The following DLG4 variants were observed in gnomAD, a reference collection of about 807,000 sequenced individuals.
The protein encoded by DLG4 is discs large MAGUK scaffold protein 4.
In DLG4, 7 loss-of-function variants were observed where a neutral mutation model predicts 93.8. The ratio of observed to expected loss-of-function variants is 0.07; its 90% CI spans 0.04 to 0.14. The LOEUF (loss-of-function observed/expected upper bound fraction) is 0.14. Among genes scored for constraint, DLG4 ranks in the 10% least tolerant of loss-of-function variants. DLG4 has a pLI of 1.00. For synonymous variants in DLG4, 341 were observed against 387.6 expected (o/e 0.88, Z 1.41); for missense variants, 545 against 992.9 (o/e 0.55, Z 6.06).
rs2069624787 is a variant in DLG4, at chr17:7,193,781, G to A, written c.1543+63C>T. 3.1e-6 allele frequency: 5 copies of A among 1,611,398 alleles called. No homozygotes were observed. Among genetic ancestry groups the A allele is most frequent in the East Asian group, 4.5e-5 (2 of 44,794 alleles). On this transcript the variant is annotated intron_variant, in intron 14 of 19. Coordinates refer to ENST00000399506, the MANE Select transcript of DLG4 (RefSeq NM_001321075.3). The surrounding 1 kb of genome is among the most constrained non-coding windows in gnomAD (Gnocchi z 6.7). ...GGACCTGGAGCCCTGTCTCCCCCTTGAGGATATCAAAAGCAACTCAGTGCT... is the reference window on the plus strand; with the variant it reads ...GGACCTGGAGCCCTGTCTCCCCCTTAAGGATATCAAAAGCAACTCAGTGCT...
Position 7,190,263 on chromosome 17 carries a change from A to G in DLG4, c.*445T>C, listed in dbSNP as rs2069418376. ...AAATCAAGGAACATGGGGAATTACG[A>G]TGAGGGCAGGGGTGACCCCAGACCC... On this transcript the variant is annotated 3_prime_UTR_variant, in exon 20 of 20. Coordinates refer to ENST00000399506, the MANE Select transcript of DLG4 (RefSeq NM_001321075.3). 1 of 158,204 alleles carries G rather than the reference A, an allele frequency of 6.3e-6. No individual in the cohort carries two copies. Among genetic ancestry groups the G allele is most frequent in the African/African-American group, 2.4e-5 (1 of 41,616 alleles). 9.8% of individuals were successfully genotyped at this position (158,204 alleles called of 1,614,324 possible).
chr17:7,190,654 C>T lies in DLG4; in HGVS notation c.*54G>A. ...AAGGGCTTGGGCAATTCAGTCCAGA[C>T]CAAGGGCCCAGGTGATGGAGGCAGG... On this transcript the variant is annotated 3_prime_UTR_variant, in exon 20 of 20. Coordinates refer to ENST00000399506, the MANE Select transcript of DLG4 (RefSeq NM_001321075.3). 1 of 1,459,124 alleles carries T rather than the reference C, an allele frequency of 6.9e-7. No individual in the cohort carries two copies. The highest frequency in any genetic ancestry group is 1.7e-5 in the Admixed American group (1 of 59,758). The allele number at this position is 1,459,124 out of a possible 1,614,324, so 90.4% of individuals were successfully genotyped here. A position where few individuals can be genotyped will look rare whatever the true frequency, so the allele number is the denominator to read the frequency against.
chr17:7,202,080 A>G (rs929229), intron 8 of DLG4, among the ~76,000 whole-genome samples: 105,354 of 151,988 alleles, frequency 0.69, 37,389 homozygotes, highest in African/African-American at 0.84. Context: ...ACGTCTATTT[A>G]AGATAATCAC....
chr17:7,199,631 C>G (rs1048184134), intron 8 of DLG4, among the ~76,000 whole-genome samples: 3 of 152,042 alleles, frequency 2.0e-5, no homozygotes, highest in African/African-American at 7.2e-5. Context: ...GGATACCTTC[C>G]TTGCTCTCTA....
In DLG4 at chr17:7,194,880, A is replaced by G. The variant is rs1167632044; in HGVS notation, c.1302-385T>C. Among the ~76,000 whole-genome samples the G allele has an allele frequency of 1.3e-5, 2 of 151,952 alleles. No homozygotes were observed. Among genetic ancestry groups the G allele is most frequent in the Admixed American group, 6.6e-5 (1 of 15,256 alleles). On this transcript the variant is annotated intron_variant, in intron 11 of 19. Coordinates refer to ENST00000399506, the MANE Select transcript of DLG4 (RefSeq NM_001321075.3). This position sits in a 1 kb window ranked among gnomAD's most constrained non-coding sequence, Gnocchi z 4.4. ...TAAAAATACAAAATATTAGCCGGGC[A>G]CGGTGGCGGGTGCCTGTATTCCCAG...
At chr17:7,219,026 C>T (rs1567557829), upstream of DLG4, 7 of 675,056 alleles carry the variant, frequency 1.0e-5, no homozygotes, top group South Asian at 5.3e-5. Context: ...ACCCTGGCCC[C>T]CTCTTCCCAT....
upstream of DLG4, chr17:7,218,180 G>C: frequency 6.9e-7 from 1 of 1,442,328 alleles, no homozygotes. Context: ...GTGATATTTG[G>C]CTCACCCCTC....
At position 7,203,982 on chromosome 17, in the gene DLG4, GA is replaced by G. The variant is rs762039232; in HGVS notation, c.210+25del. ...AAAGGTACAGACGGGAGGCCACGGG[GA>G]CTGCCGATGGAGGAGCCTGCTCACC... On this transcript the variant is annotated intron_variant, in intron 4 of 19. Coordinates refer to ENST00000399506, the MANE Select transcript of DLG4 (RefSeq NM_001321075.3). This position sits in a 1 kb window ranked among gnomAD's most constrained non-coding sequence, Gnocchi z 7.2. 8.9e-5 allele frequency: 144 copies of G among 1,609,256 alleles called. No homozygotes were observed. The highest frequency in any genetic ancestry group is 1.1e-4 in the Non-Finnish European group (132 of 1,177,844).
chr17:7,202,959 G>A lies in DLG4; in HGVS notation c.731C>T (p.Ala244Val). ...ACTCAGGTAGGCATTGCTGGGCTTGGCCACCTTTAGGTAGACAACATCATA... is the reference window on the plus strand; with the variant it reads ...ACTCAGGTAGGCATTGCTGGGCTTGACCACCTTTAGGTAGACAACATCATA... ...NTYDVVYLKV[A>V]KPSNAYLSDS... is the part of the protein sequence containing the mutation. The change falls in exon 8 of 20, where the codon GCC (alanine) becomes GTC (valine). Residue 244 changes from alanine to valine, a missense_variant. Physicochemically the swap from Ala to Val is moderately conservative, Grantham distance 64. This residue lies in a region of DLG4 where 428 missense variants were observed against 741.4 expected (regional missense o/e 0.58). Transcript: ENST00000399506. 1 of 1,614,016 alleles carries A rather than the reference G, an allele frequency of 6.2e-7. No individual in the cohort carries two copies.
Position 7,190,724 on chromosome 17 carries a change from G to A in DLG4, c.2159C>T (p.Ala720Val), listed in dbSNP as rs754310827. ...GGGCAGGAATCAGAGTCTCTCTCGG[G>A]CTGGAACCCAGATGTAGGGGCCTGA... The part of the protein sequence containing the change: ...DLSGPYIWVP[A>V]RERL Residue 720 changes from alanine (A) to valine (V), a missense_variant, in exon 20 of 20, where the codon GCC (alanine) becomes GTC (valine). Physicochemically the swap from Ala to Val is moderately conservative, Grantham distance 64. Transcript: ENST00000399506. The A allele has an allele frequency of 6.2e-7, 1 of 1,613,672 alleles. No homozygotes were observed. Among genetic ancestry groups the A allele is most frequent in the Non-Finnish European group, 8.5e-7 (1 of 1,179,632 alleles).
intron 8 of DLG4, 44 bp downstream of exon 8, chr17:7,202,859 A>G: frequency 6.2e-7 from 1 of 1,610,702 alleles, no homozygotes; most frequent in Non-Finnish European, 8.5e-7. Flanking sequence ...CATGGGTTAA[A>G]CGGGATGGGT....
chr17:7,200,059 G>A (rs895727569), intron 8 of DLG4, among the ~76,000 whole-genome samples: 1 of 151,932 alleles, frequency 6.6e-6, no homozygotes, highest in Non-Finnish European at 1.5e-5. Flanking sequence ...CTTTTGTTAG[G>A]TTATGGTATT....
chr17:7,219,907 G>C (rs1330518496), upstream of DLG4: 8 of 1,559,446 alleles, frequency 5.1e-6, no homozygotes, highest in African/African-American at 1.3e-5. Flanking sequence ...GTCAGGGTTA[G>C]GGGCGCCAGG....
rs983061143 is a variant in DLG4 at position 7,187,371 on chromosome 17, T to C, written c.*3337A>G. ...GACCAGCCTGATCAATATGGTGAAA[T>C]CCCCATCTCTACTAAATACAAAAAA... On this transcript the variant is annotated 3_prime_UTR_variant, in exon 20 of 20. Coordinates refer to ENST00000399506, the MANE Select transcript of DLG4 (RefSeq NM_001321075.3). Among the ~76,000 whole-genome samples the C allele has an allele frequency of 9.6e-5, 12 of 125,448 alleles. No individual in the cohort carries two copies. The highest frequency in any genetic ancestry group is 1.8e-4 in the Non-Finnish European group (11 of 61,044). 82.3% of individuals were successfully genotyped at this position (125,448 alleles called of 152,430 possible). A position where few individuals can be genotyped will look rare whatever the true frequency, so the allele number is the denominator to read the frequency against.
rs1378857214 is a variant in DLG4, at chr17:7,187,318, G to GC, written c.*3389_*3390insG. 4.4e-5 allele frequency among the ~76,000 whole-genome samples: 3 copies of GC among 68,646 alleles called. 1 individual carries two copies. Among genetic ancestry groups the GC allele is most frequent in the Admixed American group, 4.3e-4 (3 of 6,936 alleles). The allele number at this position is 68,646 out of a possible 152,430, so 45.0% of individuals were successfully genotyped here. ...ACTTTGGGAGGCCGAGGGGGGGGGG[G>GC]GTGGATCACCCGAGGTCAGGAGTTC... On this transcript the variant is annotated 3_prime_UTR_variant, in exon 20 of 20. Coordinates refer to ENST00000399506, the MANE Select transcript of DLG4 (RefSeq NM_001321075.3).
intron 17 of DLG4, chr17:7,192,335 G>GA (rs1385674399): frequency 3.0e-6 from 1 of 329,456 alleles, no homozygotes; most frequent in Non-Finnish European, 5.5e-6. Flanking sequence ...GTGCAAGGCA[G>GA]AGGTGACACA....
intron 8 of DLG4, among the ~76,000 whole-genome samples, chr17:7,200,745 C>G (rs748470010): frequency 2.2e-4 from 33 of 151,730 alleles, no homozygotes; most frequent in Non-Finnish European, 3.5e-4. Flanking sequence ...GGGGTTTCTC[C>G]ATGTTGGTTA....
chr17:7,193,635 G>T lies in DLG4; in HGVS notation c.1591+32C>A. 6.5e-7 allele frequency: 1 copy of T among 1,532,856 alleles called. No individual in the cohort carries two copies. The highest frequency in any genetic ancestry group is 8.8e-7 in the Non-Finnish European group (1 of 1,142,162). The allele number at this position is 1,532,856 out of a possible 1,614,324, so 95.0% of individuals were successfully genotyped here. Reference sequence around the variant, plus strand: ...GAGCGCAGGGTTGGGGGAGCAGCAAGTGCTGGGGCCAAGGCAGGGGCCAGG... The same window carrying T: ...GAGCGCAGGGTTGGGGGAGCAGCAATTGCTGGGGCCAAGGCAGGGGCCAGG... On this transcript the variant is annotated intron_variant, in intron 15 of 19. Transcript: ENST00000399506. The surrounding 1 kb of genome is among the most constrained non-coding windows in gnomAD (Gnocchi z 6.7).
At chr17:7,202,656 T>A in intron 8 of DLG4, 1 of 535,092 alleles carries the variant, frequency 1.9e-6, no homozygotes, top group Non-Finnish European at 3.3e-6. Flanking sequence ...CTTGAGAATT[T>A]CACAAAATTA....
Sources: gnomAD v4.1 joint callset for allele counts (sites outside exome capture counted in the v4.1 genomes callset) on GRCh38, gnomAD v4.1.1 for gene constraint, gnomAD v4.1.1 regional missense constraint, Gnocchi (gnomAD v3.1) non-coding constraint, MANE v1.5 for transcripts, NCBI Gene and HGNC (gene_info 2026-07-23, HGNC 2026-07-21) for gene names.